Variants in ZGRF1 observed in about 807,000 individuals in gnomAD.
The protein encoded by ZGRF1 is zinc finger GRF-type containing 1.
Under a neutral mutation model 203.5 loss-of-function variants are expected in ZGRF1, and 196 were observed. That is an observed-to-expected ratio of 0.96 (90% CI 0.86 to 1.08). The LOEUF (loss-of-function observed/expected upper bound fraction) is 1.08, where lower values mean the gene tolerates loss of function less well. Ranked by LOEUF, ZGRF1 falls within the 50% of genes least tolerant of loss-of-function variation. ZGRF1 has a pLI of 0.00. For missense variants in ZGRF1, 2,326 were observed against 2,416.3 expected, an observed-to-expected ratio of 0.96 and a Z score of 0.78; for synonymous variants, 809 against 841.3, an observed-to-expected ratio of 0.96 and a Z score of 0.66.
chr4:112,590,079 G>C (rs1425055564), intron 10 of ZGRF1, among the ~76,000 whole-genome samples: 6 of 152,140 alleles, frequency 3.9e-5, no homozygotes, highest in Admixed American at 3.9e-4. Flanking sequence ...GTAAAATACA[G>C]AGCATAAAAT....
chr4:112,623,898 GT>G, intron 3 of ZGRF1, 22 bp from the exon 4 acceptor site: 1 of 1,318,338 alleles, frequency 7.6e-7, no homozygotes, highest in Non-Finnish European at 1.1e-6. Flanking sequence ...CAAAATAAAT[GT>G]TAAAAAGGAA....
At chr4:112,615,604 T>C (rs1000834384) in intron 6 of ZGRF1, among the ~76,000 whole-genome samples, 6 of 151,694 alleles carry the variant, frequency 4.0e-5, no homozygotes, top group African/African-American at 1.5e-4. Flanking sequence ...CTTTATCTAC[T>C]CATATTTATT....
In ZGRF1 at chr4:112,579,068, C is replaced by T. The variant is rs2148981867; in HGVS notation, c.4438+2595G>A. ...TCCAGCAGCACATCATAAAGCTTATCCACCATGATCAAGTGGGCTTCATCC... is the reference window on the plus strand; with the variant it reads ...TCCAGCAGCACATCATAAAGCTTATTCACCATGATCAAGTGGGCTTCATCC... On this transcript the variant is annotated intron_variant, in intron 16 of 27. Transcript: ENST00000505019. Among the ~76,000 whole-genome samples the T allele has an allele frequency of 1.6e-5, 2 of 123,038 alleles. 1 individual carries two copies. Among genetic ancestry groups the T allele is most frequent in the East Asian group, 4.8e-4 (2 of 4,188 alleles). 80.7% of individuals were successfully genotyped at this position (123,038 alleles called of 152,430 possible).
In ZGRF1 at chr4:112,587,392, A is replaced by T; in HGVS notation, c.3665T>A (p.Val1222Asp). The change falls in exon 12 of 28, where the codon GTT becomes GAT. Residue 1222 changes from valine (V) to aspartate (D), a missense_variant. Transcript: ENST00000505019. ...QRQDFSSQDS[V>D]SRKKVLSLNL... ...CAGAGAAAGTACTTTCTTTCTGGAA[A>T]CCGAATCTTGACTGCTAAAATCCTG... The T allele has an allele frequency of 6.2e-7, 1 of 1,613,884 alleles. No individual in the cohort carries two copies. Among genetic ancestry groups the T allele is most frequent in the East Asian group, 2.2e-5 (1 of 44,874 alleles).
intron 22 of ZGRF1, among the ~76,000 whole-genome samples, chr4:112,552,510 G>A (rs935038975): frequency 2.6e-5 from 4 of 152,022 alleles, no homozygotes; most frequent in African/African-American, 9.7e-5. Flanking sequence ...TCATTGTTAC[G>A]TTGGGTGAGT....
chr4:112,612,439 G>A, intron 7 of ZGRF1, 85 bp downstream of exon 7: 1 of 857,442 alleles, frequency 1.2e-6, no homozygotes, highest in South Asian at 1.6e-5. Context: ...GATAGCTTGG[G>A]ACTGTATTAC....
At chr4:112,589,623 C>A in intron 11 of ZGRF1, 101 bp downstream of exon 11, 1 of 1,091,642 alleles carries the variant, frequency 9.2e-7, no homozygotes, top group South Asian at 1.4e-5. Context: ...GGATATGACA[C>A]TGAATCTGGT....
chr4:112,610,949 CAAAA>C (rs1259144130), intron 7 of ZGRF1: 2 of 286,366 alleles, frequency 7.0e-6, no homozygotes, highest in Non-Finnish European at 1.3e-5. Context: ...TAACTGGACA[CAAAA>C]AAATCTGGAA....
At chr4:112,607,713 G>C (rs1281514403) in intron 8 of ZGRF1, 3 of 152,480 alleles carry the variant, frequency 2.0e-5, no homozygotes, top group African/African-American at 7.2e-5. Flanking sequence ...TGGGAGGATT[G>C]CTTGAGGCCA....
At chr4:112,552,525 T>C (rs1187231809) in intron 22 of ZGRF1, among the ~76,000 whole-genome samples, 1 of 152,110 alleles carries the variant, frequency 6.6e-6, no homozygotes, top group African/African-American at 2.4e-5. Flanking sequence ...GTGAGTAAAA[T>C]GATAAGTAGT....
chr4:112,630,474 T>C (rs2047371498), intron 3 of ZGRF1, among the ~76,000 whole-genome samples: 1 of 152,070 alleles, frequency 6.6e-6, no homozygotes, highest in South Asian at 2.1e-4. Flanking sequence ...GCCGAGATTG[T>C]GCCACTGCAC....
intron 24 of ZGRF1, among the ~76,000 whole-genome samples, chr4:112,546,331 A>T (rs1374471750): frequency 6.6e-6 from 1 of 152,204 alleles, no homozygotes; most frequent in Non-Finnish European, 1.5e-5. Context: ...AACCAGACAG[A>T]GGTAGTGGTT....
At chr4:112,584,510 G>A (rs148227972) in intron 14 of ZGRF1, among the ~76,000 whole-genome samples, 46 of 151,844 alleles carry the variant, frequency 3.0e-4, no homozygotes, top group Non-Finnish European at 5.6e-4. Flanking sequence ...TTTCTCATTC[G>A]CGTAAGTACA....
chr4:112,587,198 A>G, intron 12 of ZGRF1, 82 bp downstream of exon 12: 1 of 1,321,534 alleles, frequency 7.6e-7, no homozygotes, highest in Non-Finnish European at 1.0e-6. Context: ...GCTCCTATGC[A>G]GTATATTTTG....
In ZGRF1 at chr4:112,617,613, T is replaced by C; in HGVS notation, c.2429A>G (p.Tyr810Cys). ...TTCTGAAGAATTTCTAGGATTCCAG[T>C]ATTGTTTGCCTTCTCTGGCAGTTTC... Reference protein sequence around the residue: ...EVETAREGKQYWNPRNSSELS... With the variant: ...EVETAREGKQCWNPRNSSELS... Residue 810 changes from tyrosine to cysteine, a missense_variant, in exon 6 of 28, where the codon TAC (tyrosine) becomes TGC (cysteine). Transcript: ENST00000505019. The C allele has an allele frequency of 6.2e-7, 1 of 1,613,446 alleles. No homozygotes were observed. The highest frequency in any genetic ancestry group is 8.5e-7 in the Non-Finnish European group (1 of 1,179,838).
chr4:112,579,701 A>G lies in ZGRF1; in HGVS notation c.4438+1962T>C, dbSNP rs1186774610. Among the ~76,000 whole-genome samples the G allele has an allele frequency of 1.7e-4, 20 of 121,192 alleles. 8 individuals are homozygous for G. The highest frequency in any genetic ancestry group is 3.3e-4 in the Non-Finnish European group (18 of 54,472). 79.5% of individuals were successfully genotyped at this position (121,192 alleles called of 152,430 possible). On this transcript the variant is annotated intron_variant, in intron 16 of 27. Coordinates refer to ENST00000505019, the MANE Select transcript of ZGRF1 (RefSeq NM_018392.5). ...CTTCAAAGAGAATAAAATACCTAGG[A>G]ATCCAACTTACAAGGGACGTGAAGG...
chr4:112,585,246 G>A (rs954025672), intron 14 of ZGRF1, among the ~76,000 whole-genome samples: 1 of 151,746 alleles, frequency 6.6e-6, no homozygotes, highest in Non-Finnish European at 1.5e-5. Flanking sequence ...CTCCATCCTG[G>A]GCAACAGTGA....
At chr4:112,626,311 C>A (rs1011131017) in intron 3 of ZGRF1, among the ~76,000 whole-genome samples, 7 of 152,172 alleles carry the variant, frequency 4.6e-5, no homozygotes, top group South Asian at 4.1e-4. Context: ...ATTTGATACA[C>A]CCTCCCTGAG....
rs2046978398 is a variant in ZGRF1 at position 112,619,014 on chromosome 4, A to G, written c.1028T>C (p.Val343Ala). Residue 343 changes from valine (V) to alanine (A), a missense_variant, in exon 6 of 28, where the codon GTA becomes GCA. Physicochemically the swap from Val to Ala is moderately conservative, Grantham distance 64. Coordinates refer to ENST00000505019, the MANE Select transcript of ZGRF1 (RefSeq NM_018392.5). ...SQSSPIHSST[V>A]DGNDTERKPK... Reference sequence around the variant, plus strand: ...TTTCCTTTCTGTATCATTCCCATCTACAGTAGAAGAATGTATAGGTGAACT... The same window carrying G: ...TTTCCTTTCTGTATCATTCCCATCTGCAGTAGAAGAATGTATAGGTGAACT... 2 of 1,613,754 alleles carry G rather than the reference A, an allele frequency of 1.2e-6. No homozygotes were observed. Among genetic ancestry groups the G allele is most frequent in the African/African-American group, 2.7e-5 (2 of 74,884 alleles).
Sources: allele counts gnomAD v4.1 joint callset (sites outside exome capture counted in the v4.1 genomes callset), GRCh38; gene constraint gnomAD v4.1.1; transcripts MANE v1.5; gene names NCBI Gene and HGNC (gene_info 2026-07-23, HGNC 2026-07-21).